OVCH1: variants seen among roughly 807,000 people sequenced by gnomAD.
OVCH1 encodes ovochymase 1, also known as ovochymase-1.
Under a neutral mutation model 138.4 loss-of-function variants are expected in OVCH1, and 139 were observed. That is an observed-to-expected ratio of 1.00 (90% CI 0.87 to 1.16). The LOEUF (loss-of-function observed/expected upper bound fraction) is 1.16, where lower values mean the gene tolerates loss of function less well. Ranked by LOEUF, OVCH1 falls within the 50% of genes most tolerant of loss-of-function variation. The probability of loss-of-function intolerance (pLI) is 0.00; values close to 1 mark genes in which losing one functional copy is unlikely to be tolerated. For synonymous variants in OVCH1, 453 were observed against 467.8 expected (o/e 0.97, Z 0.41); for missense variants, 1,367 against 1,357.9 (o/e 1.01, Z -0.11).
At chr12:29,470,326 G>A (rs7311329) in intron 16 of OVCH1, among the ~76,000 whole-genome samples, 24,259 of 151,940 alleles carry the variant, frequency 0.16, 2,054 homozygotes, top group African/African-American at 0.22. Context: ...TCAACCTGTC[G>A]TCTAGGTTTT....
downstream of OVCH1, among the ~76,000 whole-genome samples, chr12:29,411,473 G>A (rs1940955066): frequency 6.6e-6 from 1 of 151,932 alleles, no homozygotes; most frequent in South Asian, 2.1e-4. Context: ...ATGTACAGAT[G>A]GGTTTTTGGT....
At chr12:29,476,029 T>C (rs1203403002) in intron 13 of OVCH1, among the ~76,000 whole-genome samples, 177 bp downstream of exon 13, 1 of 152,222 alleles carries the variant, frequency 6.6e-6, no homozygotes, top group African/African-American at 2.4e-5. Flanking sequence ...AAAACTTTAC[T>C]GGCGAATTAG....
At chr12:29,475,083 G>A (rs2043623) in exon 14 of OVCH1, 837,946 of 1,579,188 alleles carry the variant, frequency 0.53, 225,592 homozygotes, top group African/African-American at 0.67. Context: ...TGGTAAATCT[G>A]GCCTTGAAGC....
intron 8 of OVCH1, among the ~76,000 whole-genome samples, chr12:29,485,746 A>G (rs1217003553): frequency 6.6e-6 from 1 of 151,894 alleles, no homozygotes; most frequent in Non-Finnish European, 1.5e-5. Context: ...ACTGCACTCC[A>G]GCCTGGGGGA....
intron 3 of OVCH1, among the ~76,000 whole-genome samples, chr12:29,417,856 A>G (rs1941053491): frequency 6.6e-6 from 1 of 152,026 alleles, no homozygotes. Context: ...ATTAAGAAGC[A>G]CTGTTCTAAA....
At chr12:29,448,840 T>C (rs1487673199) in intron 22 of OVCH1, among the ~76,000 whole-genome samples, 2 of 152,170 alleles carry the variant, frequency 1.3e-5, no homozygotes, top group Non-Finnish European at 2.9e-5. Context: ...CTCTGACCTC[T>C]ATGCACTTCA....
In OVCH1 at chr12:29,420,811, C is replaced by T. The variant is rs558289624; in HGVS notation, c.*71+2316G>A. Among the ~76,000 whole-genome samples, 2 of 8,066 alleles carry T rather than the reference C, an allele frequency of 2.5e-4. 1 individual carries two copies. Among genetic ancestry groups the T allele is most frequent in the East Asian group, 2.9e-3 (2 of 696 alleles). 5.3% of individuals were successfully genotyped at this position (8,066 alleles called of 152,430 possible). ...GATTACAGGCGTGAGCCACCGCGCC[C>T]GGCCAAAAGCAGCTTTTAAAATGAA... On this transcript the variant is annotated intron_variant and NMD_transcript_variant, in intron 3 of 4. Transcript: ENST00000539117.
At chr12:29,452,802 TA>T (rs919491474) in intron 21 of OVCH1, among the ~76,000 whole-genome samples, 28 of 152,180 alleles carry the variant, frequency 1.8e-4, no homozygotes, top group Non-Finnish European at 2.9e-5. Context: ...TTCCCTAGTG[TA>T]AAAAGTTAGT....
At chr12:29,473,522 C>G (rs1003677186) in intron 14 of OVCH1, among the ~76,000 whole-genome samples, 1 of 152,074 alleles carries the variant, frequency 6.6e-6, no homozygotes, top group Non-Finnish European at 1.5e-5. Context: ...AGACCTAAGA[C>G]TTTTAGATAT....
intron 21 of OVCH1, among the ~76,000 whole-genome samples, chr12:29,452,729 C>CA (rs1427105835): frequency 6.6e-6 from 1 of 152,134 alleles, no homozygotes; most frequent in African/African-American, 2.4e-5. Context: ...GAATTACCAA[C>CA]AAGTCAAGAC....
chr12:29,406,998 C>T, the OVCH1 span, among the ~76,000 whole-genome samples: 5 of 151,554 alleles, frequency 3.3e-5, no homozygotes, highest in East Asian at 3.9e-4. Flanking sequence ...GATTGCCATT[C>T]TAACTGGTGT....
At chr12:29,455,427 T>A in intron 19 of OVCH1, 22 bp from the exon 20 acceptor site, 1 of 1,581,448 alleles carries the variant, frequency 6.3e-7, no homozygotes, top group Non-Finnish European at 8.6e-7. Flanking sequence ...AGAAAACATG[T>A]TTTAGAAAAC....
chr12:29,439,451 AAAACAAAC>A (rs4033114), intron 25 of OVCH1: 26 of 1,482,712 alleles, frequency 1.8e-5, no homozygotes, highest in Admixed American at 2.8e-5. Flanking sequence ...TGGTCTGAGA[AAAACAAAC>A]AAACAAACAA....
downstream of OVCH1, among the ~76,000 whole-genome samples, chr12:29,410,133 C>T (rs1455297251): frequency 6.6e-6 from 1 of 150,478 alleles, no homozygotes; most frequent in African/African-American, 2.4e-5. Flanking sequence ...ATTGCAACCC[C>T]TGCCTTTTTT....
downstream of OVCH1, among the ~76,000 whole-genome samples, chr12:29,411,907 A>C (rs1023309893): frequency 6.0e-5 from 9 of 149,192 alleles, no homozygotes; most frequent in Non-Finnish European, 8.9e-5. Context: ...CTGCCCCCAG[A>C]GGTGGAGCCT....
chr12:29,402,520 TAAGAA>T, the OVCH1 span, among the ~76,000 whole-genome samples: 1 of 149,992 alleles, frequency 6.7e-6, no homozygotes, highest in Non-Finnish European at 1.5e-5. Flanking sequence ...AAAAGGTTGG[TAAGAA>T]AAGGAAAGGG....
chr12:29,451,470 A>G (rs2135943810), exon 22 of OVCH1: 8 of 1,613,404 alleles, frequency 5.0e-6, no homozygotes, highest in Middle Eastern at 1.7e-4. Context: ...TGAAACTCTG[A>G]GCACCCAAGA....
At chr12:29,457,350 TG>T (rs1247465220) in intron 19 of OVCH1, among the ~76,000 whole-genome samples, 1 of 151,760 alleles carries the variant, frequency 6.6e-6, no homozygotes, top group Non-Finnish European at 1.5e-5. Flanking sequence ...GCCTATCATA[TG>T]GTCCAGTCCA....
intron 22 of OVCH1, among the ~76,000 whole-genome samples, chr12:29,448,230 G>A (rs1941672152): frequency 6.7e-6 from 1 of 150,012 alleles, no homozygotes; most frequent in Non-Finnish European, 1.5e-5. Flanking sequence ...CTAACAAGAG[G>A]CAGAGCTCAG....
Sources: allele counts gnomAD v4.1 joint callset (sites outside exome capture counted in the v4.1 genomes callset), GRCh38; gene constraint gnomAD v4.1.1; transcripts MANE v1.5; gene names NCBI Gene and HGNC (gene_info 2026-07-23, HGNC 2026-07-21).